The following ABHD2 variants were observed in gnomAD, a reference collection of about 807,000 sequenced individuals.
The protein encoded by ABHD2 is monoacylglycerol lipase ABHD2.
ABHD2 carries 20 observed loss-of-function variants against 48.1 expected under a neutral mutation model. The observed-to-expected ratio is 0.42, with a 90% CI of 0.29 to 0.60. The LOEUF is 0.60. Among genes scored for constraint, ABHD2 ranks in the 20% least tolerant of loss-of-function variants. The pLI, the probability that ABHD2 is intolerant of heterozygous loss-of-function variation, is 0.24. For missense variants in ABHD2, 405 were observed against 550.9 expected (o/e 0.74, Z 2.65); for synonymous variants, 209 against 214.2 (o/e 0.98, Z 0.21).
At position 89,195,362 on chromosome 15, in the gene ABHD2, A is replaced by G; in HGVS notation, c.1217A>G (p.Gln406Arg). The change falls in exon 11 of 11, where the codon CAA (glutamine) becomes CGA (arginine). Residue 406 changes from glutamine to arginine, a missense_variant. Transcript: ENST00000352732. The surrounding 1 kb of genome is among the most constrained non-coding windows in gnomAD (Gnocchi z 5.1). ...LVVEYANAIC[Q>R]WERNKLQCSD... ...GTGGAGTACGCCAACGCCATTTGCC[A>G]ATGGGAGCGTAACAAGTTGCAGTGC... 3 of 1,614,200 alleles carry G rather than the reference A, an allele frequency of 1.9e-6. No homozygotes were observed. The highest frequency in any genetic ancestry group is 1.7e-6 in the Non-Finnish European group (2 of 1,180,048).
rs1249692097 is a variant in ABHD2 at position 89,155,660 on chromosome 15, G to A, written c.538+126G>A. The A allele has an allele frequency of 3.2e-6, 4 of 1,232,496 alleles. No individual in the cohort carries two copies. In the East Asian group the frequency reaches 9.7e-5, roughly 30 times the overall value. 76.3% of individuals were successfully genotyped at this position (1,232,496 alleles called of 1,614,324 possible). A position where few individuals can be genotyped will look rare whatever the true frequency, so the allele number is the denominator to read the frequency against. ...TCTGCAAGAGATGGTAGGTCACACG[G>A]TTATATCAACAGCCAACTTGTACTG... On this transcript the variant is annotated intron_variant, in intron 5 of 10. Transcript: ENST00000352732. This position sits in a 1 kb window ranked among gnomAD's most constrained non-coding sequence, Gnocchi z 4.9.
At chr15:89,103,637 G>T (rs560199749) in intron 1 of ABHD2, among the ~76,000 whole-genome samples, 2 of 152,262 alleles carry the variant, frequency 1.3e-5, no homozygotes, top group Non-Finnish European at 2.9e-5. Context: ...GGGGGGTAAG[G>T]GTTGGAATAA....
chr15:89,141,832 T>A lies in ABHD2; in HGVS notation c.195-9845T>A, dbSNP rs534977872. ...TTCTATCAGGAATATCTACCAGGGTTCTCCGTGTTGCTGAAAAGCCCCTAG... is the reference window on the plus strand; with the variant it reads ...TTCTATCAGGAATATCTACCAGGGTACTCCGTGTTGCTGAAAAGCCCCTAG... On this transcript the variant is annotated intron_variant, in intron 3 of 10. Coordinates refer to ENST00000352732, the MANE Select transcript of ABHD2 (RefSeq NM_152924.5). 1.1e-3 allele frequency among the ~76,000 whole-genome samples: 171 copies of A among 152,320 alleles called. 1 individual carries two copies. Among genetic ancestry groups the A allele is most frequent in the Non-Finnish European group, 2.0e-3 (137 of 68,038 alleles).
At position 89,168,127 on chromosome 15, in the gene ABHD2, G is replaced by A. The variant is rs111706882; in HGVS notation, c.539-7685G>A. ...AGTCATGCTAGTGTCATTTGGGGAA[G>A]TGGCTGTTGAAATAATAGCTTTCAG... On this transcript the variant is annotated intron_variant, in intron 5 of 10. Transcript: ENST00000352732. This position sits in a 1 kb window ranked among gnomAD's most constrained non-coding sequence, Gnocchi z 4.8. Among the ~76,000 whole-genome samples the A allele has an allele frequency of 0.017, 2,587 of 152,292 alleles. 41 individuals are homozygous for A. The highest frequency in any genetic ancestry group is 0.037 in the Middle Eastern group (11 of 294).
intron 3 of ABHD2, chr15:89,136,073 C>T (rs549789581): frequency 1.3e-4 from 27 of 202,940 alleles, no homozygotes; most frequent in Non-Finnish European, 2.5e-4. Context: ...ATTACAGACG[C>T]CCGCCACCAT....
At chr15:89,148,079 A>C (rs997051459) in intron 3 of ABHD2, among the ~76,000 whole-genome samples, 1 of 139,038 alleles carries the variant, frequency 7.2e-6, no homozygotes, top group Admixed American at 8.1e-5. Context: ...AGATCGCTCC[A>C]CTGCACTCCA....
chr15:89,053,160 G>A, the ABHD2 span, among the ~76,000 whole-genome samples: 29 of 152,084 alleles, frequency 1.9e-4, no homozygotes, highest in African/African-American at 6.0e-4. Flanking sequence ...TAGAGACGGG[G>A]TTTCACTGTG....
intron 3 of ABHD2, among the ~76,000 whole-genome samples, chr15:89,140,403 C>T (rs1406495117): frequency 1.3e-5 from 2 of 152,156 alleles, no homozygotes; most frequent in Non-Finnish European, 2.9e-5. Context: ...CTTGAAATTC[C>T]TTCTTGTACC....
intron 1 of ABHD2, among the ~76,000 whole-genome samples, chr15:89,108,682 G>C (rs980679446): frequency 2.0e-5 from 3 of 152,188 alleles, no homozygotes; most frequent in Non-Finnish European, 2.9e-5. Flanking sequence ...AAAGCATCAC[G>C]ATCCCATGCA....
At chr15:89,096,903 A>G (rs529885898) in intron 1 of ABHD2, among the ~76,000 whole-genome samples, 2 of 152,310 alleles carry the variant, frequency 1.3e-5, no homozygotes, top group South Asian at 2.1e-4. Flanking sequence ...AGTGAGTGAT[A>G]AAGGTTTCTT....
At chr15:89,065,055 C>T in the ABHD2 span, among the ~76,000 whole-genome samples, 2 of 152,034 alleles carry the variant, frequency 1.3e-5, no homozygotes, top group Non-Finnish European at 2.9e-5. Context: ...AAATATACAG[C>T]CTAAATGTAA....
chr15:89,049,552 G>A, the ABHD2 span, among the ~76,000 whole-genome samples: 33 of 152,354 alleles, frequency 2.2e-4, no homozygotes, highest in East Asian at 3.3e-3. Flanking sequence ...CTCCGTGGGC[G>A]TAGGACCCTC....
chr15:89,118,914 C>A (rs1463823511), intron 3 of ABHD2, among the ~76,000 whole-genome samples: 2 of 152,068 alleles, frequency 1.3e-5, no homozygotes, highest in Non-Finnish European at 2.9e-5. Context: ...TAAGGTGTGA[C>A]CTCTACTGAA....
chr15:89,071,368 C>G, the ABHD2 span, among the ~76,000 whole-genome samples: 1 of 152,110 alleles, frequency 6.6e-6, no homozygotes, highest in African/African-American at 2.4e-5. Context: ...TTGCAGTGAG[C>G]CAAGATTGTG....
chr15:89,054,663 G>C, the ABHD2 span, among the ~76,000 whole-genome samples: 1 of 150,842 alleles, frequency 6.6e-6, no homozygotes, highest in African/African-American at 2.4e-5. Context: ...CTGGGCAACT[G>C]AGCAACACTC....
chr15:89,052,550 G>GACACAC, the ABHD2 span, among the ~76,000 whole-genome samples: 184 of 107,430 alleles, frequency 1.7e-3, 1 homozygote, highest in African/African-American at 5.4e-3. Context: ...CAGACAGACA[G>GACACAC]ACAGACAGAC....
rs138910210 is a variant in ABHD2, at chr15:89,123,593, C to CTT, written c.194+7093_194+7094dup. 3.2e-3 allele frequency among the ~76,000 whole-genome samples: 306 copies of CTT among 96,600 alleles called. 1 individual carries two copies. Among genetic ancestry groups the CTT allele is most frequent in the East Asian group, 0.011 (38 of 3,478 alleles). The allele number at this position is 96,600 out of a possible 152,430, so 63.4% of individuals were successfully genotyped here. A position where few individuals can be genotyped will look rare whatever the true frequency, so the allele number is the denominator to read the frequency against. The stretch of plus-strand genomic sequence containing the variant: ...TTTTTTCTCCTTTCTTTCTTTCTTT[C>CTT]TTTTTTTTTTTTTTTTTTTTTTGAG... On this transcript the variant is annotated intron_variant, in intron 3 of 10. Transcript: ENST00000352732.
At position 89,168,931 on chromosome 15, in the gene ABHD2, A is replaced by C. The variant is rs1293805457; in HGVS notation, c.539-6881A>C. 1.3e-5 allele frequency among the ~76,000 whole-genome samples: 2 copies of C among 152,084 alleles called. No individual in the cohort carries two copies. The highest frequency in any genetic ancestry group is 2.9e-5 in the Non-Finnish European group (2 of 68,012). ...CCAGGCAAGTTCGCCCATCTCTACAAAAAATCAGAAATTAGCTGGGTTTGG... is the reference window on the plus strand; with the variant it reads ...CCAGGCAAGTTCGCCCATCTCTACACAAAATCAGAAATTAGCTGGGTTTGG... On this transcript the variant is annotated intron_variant, in intron 5 of 10. Coordinates refer to ENST00000352732, the MANE Select transcript of ABHD2 (RefSeq NM_152924.5). This position sits in a 1 kb window ranked among gnomAD's most constrained non-coding sequence, Gnocchi z 4.8.
At chr15:89,194,152 C>T (rs1226848259) in intron 10 of ABHD2, among the ~76,000 whole-genome samples, 1 of 151,958 alleles carries the variant, frequency 6.6e-6, no homozygotes, top group Non-Finnish European at 1.5e-5. Flanking sequence ...AACAAAAAAT[C>T]CGGTTCTGCT....
Sources: allele counts gnomAD v4.1 joint callset (sites outside exome capture counted in the v4.1 genomes callset), GRCh38; gene constraint gnomAD v4.1.1; non-coding constraint Gnocchi (gnomAD v3.1); transcripts MANE v1.5; gene names NCBI Gene and HGNC (gene_info 2026-07-23, HGNC 2026-07-21).